Variants in NPY5R observed in about 807,000 individuals in gnomAD.
NPY5R encodes neuropeptide Y receptor type 5.
Under a neutral mutation model 24.8 loss-of-function variants are expected in NPY5R, and 21 were observed. The observed-to-expected ratio is 0.85, with a 90% CI of 0.60 to 1.22. NPY5R has a LOEUF of 1.22. Ranked by LOEUF, NPY5R falls within the 50% of genes most tolerant of loss-of-function variation. The probability of loss-of-function intolerance (pLI) is 0.00; values close to 1 mark genes in which losing one functional copy is unlikely to be tolerated. For missense variants in NPY5R, 481 were observed against 521.3 expected (o/e 0.92, Z 0.75); for synonymous variants, 175 against 183.0 (o/e 0.96, Z 0.35).
At chr4:163,349,230 TG>T (rs1735378948) in intron 3 of NPY5R, 1 of 308,310 alleles carries the variant, frequency 3.2e-6, no homozygotes, top group African/African-American at 2.3e-5. Flanking sequence ...ACGAACTAGG[TG>T]ATATTTGTTA....
At chr4:163,347,970 A>G (rs1467602341) in intron 3 of NPY5R, among the ~76,000 whole-genome samples, 2 of 152,212 alleles carry the variant, frequency 1.3e-5, no homozygotes, top group African/African-American at 2.4e-5. Flanking sequence ...TCATAGCACA[A>G]TGATGACTCT....
intron 3 of NPY5R, chr4:163,349,439 A>G (rs899800993): frequency 3.5e-6 from 1 of 285,314 alleles, no homozygotes; most frequent in Non-Finnish European, 5.3e-6. Context: ...ATGTAGCATC[A>G]GACAACTGTA....
intron 3 of NPY5R, among the ~76,000 whole-genome samples, chr4:163,349,899 G>C: frequency 6.6e-6 from 1 of 151,976 alleles, no homozygotes; most frequent in East Asian, 1.9e-4. Flanking sequence ...GGCGGATCAC[G>C]AGGTCAGGAG....
At chr4:163,349,298 T>G in intron 3 of NPY5R, 2 of 952,050 alleles carry the variant, frequency 2.1e-6, no homozygotes, top group Non-Finnish European at 2.5e-6. Flanking sequence ...ATACCTGCAG[T>G]GATGAAGTTA....
At chr4:163,345,472 T>C (rs1393942817) in intron 1 of NPY5R, 1 of 152,152 alleles carries the variant, frequency 6.6e-6, no homozygotes, top group East Asian at 1.9e-4. Context: ...ATACAACTAA[T>C]ACAAAAGAGA....
chr4:163,350,533 A>G lies in NPY5R; in HGVS notation c.260A>G (p.Asp87Gly), dbSNP rs758297007. Residue 87 changes from aspartate (D) to glycine (G), a missense_variant, in exon 4 of 4, where the codon GAT becomes GGT. Asp to Gly is a moderately conservative substitution (Grantham distance 94). Coordinates refer to ENST00000338566, the MANE Select transcript of NPY5R (RefSeq NM_006174.4). ...NFLIGNLAFS[D>G]ILVVLFCSPF... ...CTCATAGGCAATCTGGCCTTTTCTG[A>G]TATCTTGGTTGTGCTGTTTTGCTCA... 1 of 1,613,974 alleles carries G rather than the reference A, an allele frequency of 6.2e-7. No individual in the cohort carries two copies. Among genetic ancestry groups the G allele is most frequent in the East Asian group, 2.2e-5 (1 of 44,888 alleles).
chr4:163,348,004 C>T (rs1373660834), intron 3 of NPY5R, among the ~76,000 whole-genome samples: 1 of 152,140 alleles, frequency 6.6e-6, no homozygotes, highest in Non-Finnish European at 1.5e-5. Flanking sequence ...AAACTTGCTA[C>T]ACATAGAACT....
In NPY5R at chr4:163,350,745, T is replaced by C; in HGVS notation, c.472T>C (p.Phe158Leu). 6.2e-7 allele frequency: 1 copy of C among 1,614,224 alleles called. No individual in the cohort carries two copies. The highest frequency in any genetic ancestry group is 8.5e-7 in the Non-Finnish European group (1 of 1,180,034). ...SNNLTANHGY[F>L]LIATVWTLGF... ...TAATTTAACAGCAAACCATGGCTAC[T>C]TTCTGATAGCTACTGTCTGGACACT... The change falls in exon 4 of 4, where the codon TTT becomes CTT. Residue 158 changes from phenylalanine to leucine, a missense_variant. Transcript: ENST00000338566.
At chr4:163,349,323 G>T (rs1735383270) in intron 3 of NPY5R, 7 of 979,128 alleles carry the variant, frequency 7.1e-6, no homozygotes. Context: ...GCCATGTATT[G>T]GGATGGATTC....
In NPY5R at chr4:163,350,344, A is replaced by T; in HGVS notation, c.71A>T (p.Asn24Ile). 6.2e-7 allele frequency: 1 copy of T among 1,611,782 alleles called. No individual in the cohort carries two copies. The change falls in exon 4 of 4, where the codon AAT becomes ATT. Residue 24 changes from asparagine to isoleucine, a missense_variant. By Grantham distance (149) the Asn-to-Ile change is moderately radical. Coordinates refer to ENST00000338566, the MANE Select transcript of NPY5R (RefSeq NM_006174.4). ...ATENNTAATR[N>I]SDFPVWDDYK... ...GAGAATAATACTGCTGCCACTCGGA[A>T]TTCTGATTTCCCAGTCTGGGATGAC... is the stretch of plus-strand genomic sequence containing the variant.
At chr4:163,345,301 G>C (rs188590133) in intron 1 of NPY5R, 1 of 152,154 alleles carries the variant, frequency 6.6e-6, no homozygotes, top group African/African-American at 2.4e-5. Context: ...ATTTGTCTAG[G>C]TGTCAGATAT....
At chr4:163,346,606 G>A (rs1735264787) in intron 2 of NPY5R, among the ~76,000 whole-genome samples, 1 of 152,020 alleles carries the variant, frequency 6.6e-6, no homozygotes, top group African/African-American at 2.4e-5. Flanking sequence ...ATGTTTTAAG[G>A]AATGAAAGAA....
At chr4:163,344,608 G>T (rs766927261) in intron 1 of NPY5R, 1 of 152,244 alleles carries the variant, frequency 6.6e-6, no homozygotes, top group Non-Finnish European at 1.5e-5. Flanking sequence ...TAAGGTTTGC[G>T]CTCCTGTTTG....
At chr4:163,349,528 C>T (rs1735391204) in intron 3 of NPY5R, among the ~76,000 whole-genome samples, 1 of 152,130 alleles carries the variant, frequency 6.6e-6, no homozygotes, top group Non-Finnish European at 1.5e-5. Context: ...TAAGTTTGGC[C>T]TAGATTGAGA....
chr4:163,350,936 T>C lies in NPY5R; in HGVS notation c.663T>C (p.Ile221=). Residue 221 remains isoleucine, a synonymous_variant, in exon 4 of 4, where the codon ATT becomes ATC. Transcript: ENST00000338566. ...FTISLLLVQY[I]LPLVCLTVSH... is the part of the protein sequence containing the mutation. ...TCTCTTTATTGCTAGTTCAGTATAT[T>C]CTGCCCTTAGTTTGTCTTACTGTAA... is the stretch of plus-strand genomic sequence containing the variant. 6.2e-7 allele frequency: 1 copy of C among 1,614,028 alleles called. No individual in the cohort carries two copies. The highest frequency in any genetic ancestry group is 2.2e-5 in the East Asian group (1 of 44,876).
In NPY5R at chr4:163,351,710, A is replaced by G; in HGVS notation, c.*99A>G. Reference sequence around the variant, plus strand: ...TATAATAAATAGAAATTTTGTTAACATGGAATTTAATTTATGTGAAAGAGT... The same window carrying G: ...TATAATAAATAGAAATTTTGTTAACGTGGAATTTAATTTATGTGAAAGAGT... On this transcript the variant is annotated 3_prime_UTR_variant, in exon 4 of 4. Transcript: ENST00000338566. The G allele has an allele frequency of 8.9e-6, 7 of 786,012 alleles. No individual in the cohort carries two copies. Among genetic ancestry groups the G allele is most frequent in the Non-Finnish European group, 1.3e-5 (7 of 530,396 alleles). 48.7% of individuals were successfully genotyped at this position (786,012 alleles called of 1,614,324 possible). A position where few individuals can be genotyped will look rare whatever the true frequency, so the allele number is the denominator to read the frequency against.
chr4:163,348,976 A>G (rs1373118219), intron 3 of NPY5R, among the ~76,000 whole-genome samples: 1 of 149,616 alleles, frequency 6.7e-6, no homozygotes, highest in African/African-American at 2.5e-5. Flanking sequence ...AACAGGTGAA[A>G]TTTGATTGTT....
chr4:163,349,840 G>A (rs1735401374), intron 3 of NPY5R, among the ~76,000 whole-genome samples: 1 of 152,138 alleles, frequency 6.6e-6, no homozygotes, highest in Admixed American at 6.5e-5. Context: ...TTCTGGGCTG[G>A]GCACGGTGGC....
intron 3 of NPY5R, among the ~76,000 whole-genome samples, chr4:163,347,947 C>G (rs111465884): frequency 0.015 from 2,227 of 152,266 alleles, 68 homozygotes; most frequent in African/African-American, 0.051. Flanking sequence ...TTGTGAAAAA[C>G]TTGTAACTTT....
Sources: allele counts gnomAD v4.1 joint callset (sites outside exome capture counted in the v4.1 genomes callset), GRCh38; gene constraint gnomAD v4.1.1; transcripts MANE v1.5; gene names NCBI Gene and HGNC (gene_info 2026-07-23, HGNC 2026-07-21).